The following ZNF605 variants were observed in gnomAD, a reference collection of about 807,000 sequenced individuals.
The protein encoded by ZNF605 is zinc finger protein 605.
In ZNF605, 9 loss-of-function variants were observed where a neutral mutation model predicts 7.9. The observed-to-expected ratio is 1.14, with a 90% CI of 0.68 to 1.98. The LOEUF (loss-of-function observed/expected upper bound fraction) is 1.98, where lower values mean the gene tolerates loss of function less well. Ranked by LOEUF, ZNF605 falls within the 30% of genes most tolerant of loss-of-function variation. ZNF605 has a pLI of 0.00. For missense variants in ZNF605, 673 were observed against 762.4 expected (o/e 0.88, Z 1.38); for synonymous variants, 255 against 260.1 (o/e 0.98, Z 0.19).
rs1439153540 is a variant in ZNF605, at chr12:132,921,998, G to T, written c.*3375C>A. On this transcript the variant is annotated 3_prime_UTR_variant, in exon 5 of 5. Transcript: ENST00000360187. ...ATTTTCTTTTTGGCAGCATATTTCC[G>T]GTGAGAACTGATGGGAAAGGTGGTG... The T allele has an allele frequency of 6.6e-6, 1 of 152,228 alleles. No homozygotes were observed. The highest frequency in any genetic ancestry group is 1.5e-5 in the Non-Finnish European group (1 of 68,056). 9.4% of individuals were successfully genotyped at this position (152,228 alleles called of 1,614,324 possible).
At chr12:132,945,908 T>C in intron 2 of ZNF605, 111 bp from the exon 3 acceptor site, 1 of 600,600 alleles carries the variant, frequency 1.7e-6, no homozygotes, top group Non-Finnish European at 2.9e-6. Context: ...AACTAGATGT[T>C]GGGTAGGCTC....
Position 132,926,627 on chromosome 12 carries a change from C to T in ZNF605, c.672G>A (p.Pro224=), listed in dbSNP as rs1593579847. 67 of 1,614,034 alleles carry T rather than the reference C, an allele frequency of 4.2e-5. 1 individual carries two copies. Among genetic ancestry groups the T allele is most frequent in the South Asian group, 3.4e-4 (31 of 91,084 alleles). The part of the protein sequence containing the change: ...VHQRTHSGEK[P]HGCSECQKAF... ...CTTTCTGACATTCGCTGCACCCATG[C>T]GGTTTTTCTCCTGAGTGAGTTCTTT... is the stretch of plus-strand genomic sequence containing the variant. The change falls in exon 5 of 5, where the codon CCG becomes CCA. Residue 224 remains proline (P), a synonymous_variant. Transcript: ENST00000360187.
chr12:132,955,490 G>C (rs1952626936), intron 1 of ZNF605, among the ~76,000 whole-genome samples: 1 of 152,226 alleles, frequency 6.6e-6, no homozygotes, highest in South Asian at 2.1e-4. Context: ...CAACGTGGCA[G>C]GTCTGTGTGA....
At chr12:132,940,811 G>GT (rs1952428508) in intron 3 of ZNF605, among the ~76,000 whole-genome samples, 1 of 152,076 alleles carries the variant, frequency 6.6e-6, no homozygotes, top group Non-Finnish European at 1.5e-5. Context: ...GGTTTACTGC[G>GT]TAATGCTGAG....
In ZNF605 at chr12:132,926,424, T is replaced by C; in HGVS notation, c.875A>G (p.Gln292Arg). The change falls in exon 5 of 5, where the codon CAG (glutamine) becomes CGG (arginine). Residue 292 changes from glutamine (Q) to arginine (R), a missense_variant. Gln to Arg is a conservative substitution (Grantham distance 43, BLOSUM62 1). Coordinates refer to ENST00000360187, the MANE Select transcript of ZNF605 (RefSeq NM_183238.4). ...SCSECGKAFS[Q>R]KLKLITHQRA... ...CTGATGTGTGATGAGTTTTAATTTC[T>C]GGGAGAATGCTTTCCCACACTCACT... 6.2e-7 allele frequency: 1 copy of C among 1,614,156 alleles called. No individual in the cohort carries two copies. The highest frequency in any genetic ancestry group is 8.5e-7 in the Non-Finnish European group (1 of 1,180,022).
At chr12:132,942,071 C>G (rs1427286424) in intron 3 of ZNF605, among the ~76,000 whole-genome samples, 1 of 152,174 alleles carries the variant, frequency 6.6e-6, no homozygotes, top group Non-Finnish European at 1.5e-5. Flanking sequence ...TTTTGTCCCT[C>G]TTGTATACAA....
At chr12:132,940,471 A>G (rs1338307333) in intron 3 of ZNF605, among the ~76,000 whole-genome samples, 2 of 152,184 alleles carry the variant, frequency 1.3e-5, no homozygotes, top group Admixed American at 1.3e-4. Flanking sequence ...GTGTACAGCC[A>G]ACGTACTGTG....
intron 3 of ZNF605, among the ~76,000 whole-genome samples, chr12:132,938,632 C>T (rs1323688686): frequency 2.0e-5 from 3 of 152,230 alleles, no homozygotes; most frequent in Admixed American, 1.3e-4. Context: ...ACCTCCCCTG[C>T]CTGGGCTCCC....
intron 3 of ZNF605, among the ~76,000 whole-genome samples, chr12:132,935,288 T>C (rs1952352909): frequency 1.3e-5 from 2 of 151,862 alleles, no homozygotes; most frequent in South Asian, 4.1e-4. Context: ...TGTGGGTCAA[T>C]GAAAAAAAAA....
intron 3 of ZNF605, among the ~76,000 whole-genome samples, chr12:132,937,020 C>T (rs1239932214): frequency 6.6e-6 from 1 of 152,132 alleles, no homozygotes; most frequent in African/African-American, 2.4e-5. Flanking sequence ...AAAATAACCT[C>T]ATTTTAAAAA....
At chr12:132,951,883 A>G (rs1192769588) in intron 1 of ZNF605, among the ~76,000 whole-genome samples, 1 of 147,846 alleles carries the variant, frequency 6.8e-6, no homozygotes, top group Non-Finnish European at 1.5e-5. Context: ...ACACACATAC[A>G]CACTCATACA....
intron 3 of ZNF605, among the ~76,000 whole-genome samples, chr12:132,934,722 AGATTCC>A (rs1952345442): frequency 2.2e-5 from 3 of 136,158 alleles, no homozygotes; most frequent in African/African-American, 2.7e-5. Flanking sequence ...AAAAAAAAAA[AGATTCC>A]AGGAACCATA....
In ZNF605 at chr12:132,923,695, C is replaced by A. The variant is rs1277934425; in HGVS notation, c.*1678G>T. ...AAATTATGTTTATTCTACTTCAGGT[C>A]ATTTGAGCTTCTTGAATATGTGGGG... is the stretch of plus-strand genomic sequence containing the variant. On this transcript the variant is annotated 3_prime_UTR_variant, in exon 5 of 5. Coordinates refer to ENST00000360187, the MANE Select transcript of ZNF605 (RefSeq NM_183238.4). 1 of 152,134 alleles carries A rather than the reference C, an allele frequency of 6.6e-6. No individual in the cohort carries two copies. Among genetic ancestry groups the A allele is most frequent in the Non-Finnish European group, 1.5e-5 (1 of 68,016 alleles). 9.4% of individuals were successfully genotyped at this position (152,134 alleles called of 1,614,324 possible). A position where few individuals can be genotyped will look rare whatever the true frequency, so the allele number is the denominator to read the frequency against.
chr12:132,930,606 T>G (rs1952298694), intron 4 of ZNF605, among the ~76,000 whole-genome samples: 1 of 152,244 alleles, frequency 6.6e-6, no homozygotes, highest in African/African-American at 2.4e-5. Flanking sequence ...CAATTAATTT[T>G]GCACTTTAAC....
intron 4 of ZNF605, among the ~76,000 whole-genome samples, chr12:132,930,487 T>A (rs1005812395): frequency 1.4e-4 from 21 of 151,952 alleles, no homozygotes; most frequent in Admixed American, 3.3e-4. Flanking sequence ...TTTTCACTAA[T>A]GTACCCCCAC....
At chr12:132,942,205 A>G (rs1241997980) in intron 3 of ZNF605, among the ~76,000 whole-genome samples, 1 of 152,214 alleles carries the variant, frequency 6.6e-6, no homozygotes, top group Non-Finnish European at 1.5e-5. Flanking sequence ...GCTCAGGGAA[A>G]GGGAAAAAAT....
In ZNF605 at chr12:132,943,431, C is replaced by G. The variant is rs955475471; in HGVS notation, c.15+2190G>C. Among the ~76,000 whole-genome samples, 12 of 152,136 alleles carry G rather than the reference C, an allele frequency of 7.9e-5. No individual in the cohort carries two copies. In the East Asian group the frequency reaches 2.3e-3, roughly 29 times the overall value. On this transcript the variant is annotated intron_variant, in intron 3 of 4. Transcript: ENST00000360187. ...GCACAGGCAATTACCAAGGCTTTAC[C>G]CAGCAGGCCTCAGGGGAAAACTGCC...
chr12:132,946,914 G>A (rs1952499594), intron 2 of ZNF605, among the ~76,000 whole-genome samples: 1 of 152,210 alleles, frequency 6.6e-6, no homozygotes, highest in Non-Finnish European at 1.5e-5. Flanking sequence ...GGGAATGTGT[G>A]CTCACAGGCC....
chr12:132,945,050 C>T (rs1225656097), intron 3 of ZNF605: 7 of 264,390 alleles, frequency 2.6e-5, no homozygotes, highest in South Asian at 4.8e-5. Context: ...TGCACTGATG[C>T]GATCTCAGCT....
Sources: gnomAD v4.1 joint callset for allele counts (sites outside exome capture counted in the v4.1 genomes callset) on GRCh38, gnomAD v4.1.1 for gene constraint, MANE v1.5 for transcripts, NCBI Gene and HGNC (gene_info 2026-07-23, HGNC 2026-07-21) for gene names.